Variants in NAXE observed in about 807,000 individuals in gnomAD.
NAXE encodes NAD(P)H-hydrate epimerase.
NAXE carries 25 observed loss-of-function variants against 31.2 expected under a neutral mutation model. The observed-to-expected ratio is 0.80, with a 90% CI of 0.58 to 1.12. NAXE has a LOEUF of 1.12. NAXE is among the 50% of genes most tolerant of loss of function. The probability of loss-of-function intolerance (pLI) is 0.00; values close to 1 mark genes in which losing one functional copy is unlikely to be tolerated. For missense variants in NAXE, 362 were observed against 376.1 expected (o/e 0.96, Z 0.31); for synonymous variants, 144 against 154.5 (o/e 0.93, Z 0.50).
intron 5 of NAXE, 160 bp downstream of exon 5, chr1:156,593,715 G>A: frequency 1.5e-6 from 2 of 1,336,790 alleles, no homozygotes; most frequent in South Asian, 1.4e-5. Flanking sequence ...CCCTTTACAT[G>A]TTGGCCCCAT....
Position 156,591,812 on chromosome 1 carries a change from G to C in NAXE, c.8G>C (p.Arg3Thr). The stretch of plus-strand genomic sequence containing the variant: ...GCGCGCTCTGCGAGCTGGATGTCCA[G>C]GCTGCGGGCGCTGCTGGGCCTCGGG... MS[R>T]LRALLGLGLL... Residue 3 changes from arginine (R) to threonine (T), a missense_variant, in exon 1 of 6, where the codon AGG becomes ACG. Transcript: ENST00000368235. The C allele has an allele frequency of 2.5e-6, 4 of 1,596,500 alleles. No individual in the cohort carries two copies. The highest frequency in any genetic ancestry group is 2.6e-6 in the Non-Finnish European group (3 of 1,175,892).
In NAXE at chr1:156,593,426, C is replaced by A. The variant is rs1199982327; in HGVS notation, c.535C>A (p.Leu179Met). 3 of 1,614,068 alleles carry A rather than the reference C, an allele frequency of 1.9e-6. No homozygotes were observed. Among genetic ancestry groups the A allele is most frequent in the Admixed American group, 3.3e-5 (2 of 60,002 alleles). Residue 179 changes from leucine (L) to methionine (M), a missense_variant, in exon 5 of 6, where the codon CTG becomes ATG. Coordinates refer to ENST00000368235, the MANE Select transcript of NAXE (RefSeq NM_144772.3). Reference protein sequence around the residue: ...MPAEPMTIDELYELVVDAIFG... With the variant: ...MPAEPMTIDEMYELVVDAIFG... The stretch of plus-strand genomic sequence containing the variant: ...ACCACAGCCCATGACGATTGATGAA[C>A]TGTATGAGCTGGTGGTGGATGCCAT...
chr1:156,592,799 A>G lies in NAXE; in HGVS notation c.516+129A>G, dbSNP rs114351209. 3.6e-5 allele frequency: 29 copies of G among 809,336 alleles called. No individual in the cohort carries two copies. Among genetic ancestry groups the G allele is most frequent in the Non-Finnish European group, 4.5e-5 (23 of 506,298 alleles). 50.1% of individuals were successfully genotyped at this position (809,336 alleles called of 1,614,324 possible). On this transcript the variant is annotated intron_variant, in intron 4 of 5. Transcript: ENST00000368235. ...AAGGTGCCTAACGGATGGTATTCGA[A>G]TAAGTGTGCAAGAGCCTTCTCCTCC...
rs767694027 is a variant in NAXE at position 156,591,883 on chromosome 1, A to G, written c.79A>G (p.Ile27Val). The change falls in exon 1 of 6, where the codon ATC becomes GTC. Residue 27 changes from isoleucine (I) to valine (V), a missense_variant. Ile to Val is a conservative substitution (Grantham distance 29). Coordinates refer to ENST00000368235, the MANE Select transcript of NAXE (RefSeq NM_144772.3). ...SRVPRIKSQTIACRSGPTWWG... is the reference protein window; with the variant it reads ...SRVPRIKSQTVACRSGPTWWG... Reference sequence around the variant, plus strand: ...CGTGCCGCGGATCAAAAGCCAGACCATCGCCTGTCGCTCGGGACCCACCTG... The same window carrying G: ...CGTGCCGCGGATCAAAAGCCAGACCGTCGCCTGTCGCTCGGGACCCACCTG... The G allele has an allele frequency of 1.9e-6, 3 of 1,612,446 alleles. No individual in the cohort carries two copies. The highest frequency in any genetic ancestry group is 2.5e-6 in the Non-Finnish European group (3 of 1,179,686).
At position 156,592,438 on chromosome 1, in the gene NAXE, G is replaced by A; in HGVS notation, c.365G>A (p.Gly122Glu). Reference protein sequence around the residue: ...LVICGPGNNGGDGLVCARHLK... With the variant: ...LVICGPGNNGEDGLVCARHLK... ...ATCTGTGGCCCGGGGAATAATGGAG[G>A]AGATGGTCTGGTCTGTGCTCGACAC... The change falls in exon 3 of 6, where the codon GGA (glycine) becomes GAA (glutamate). Residue 122 changes from glycine (G) to glutamate (E), a missense_variant. Physicochemically the swap from Gly to Glu is moderately conservative, Grantham distance 98 (BLOSUM62 -2). Coordinates refer to ENST00000368235, the MANE Select transcript of NAXE (RefSeq NM_144772.3). 1 of 1,614,192 alleles carries A rather than the reference G, an allele frequency of 6.2e-7. No homozygotes were observed. Among genetic ancestry groups the A allele is most frequent in the South Asian group, 1.1e-5 (1 of 91,082 alleles).
In NAXE at chr1:156,592,409, G is replaced by A. The variant is rs1317551622; in HGVS notation, c.336G>A (p.Leu112=). 1 of 1,614,172 alleles carries A rather than the reference G, an allele frequency of 6.2e-7. No homozygotes were observed. The highest frequency in any genetic ancestry group is 8.5e-7 in the Non-Finnish European group (1 of 1,180,036). Residue 112 remains leucine, a synonymous_variant, in exon 3 of 6, where the codon CTG becomes CTA. Transcript: ENST00000368235. ...TSMSRSPPTV[L]VICGPGNNGG... is the part of the protein sequence containing the mutation. ...TGTCCAGGAGCCCCCCTACTGTCCT[G>A]GTCATCTGTGGCCCGGGGAATAATG...
Position 156,592,682 on chromosome 1 carries a change from C to T in NAXE, c.516+12C>T, listed in dbSNP as rs773592384. On this transcript the variant is annotated intron_variant, in intron 4 of 5. Coordinates refer to ENST00000368235, the MANE Select transcript of NAXE (RefSeq NM_144772.3). ...AAATGCCCGCAGAGGTAGGTGGCTC[C>T]AGTTGAATACCTCCATCCTACAGTA... The T allele has an allele frequency of 6.3e-6, 10 of 1,592,734 alleles. No homozygotes were observed. The Admixed American group carries it at 1.2e-4, about 19-fold the overall frequency.
Position 156,591,932 on chromosome 1 carries a change from C to T in NAXE, c.128C>T (p.Ser43Leu), listed in dbSNP as rs765587923. 2.5e-6 allele frequency: 4 copies of T among 1,612,798 alleles called. No individual in the cohort carries two copies. The highest frequency in any genetic ancestry group is 3.3e-5 in the Admixed American group (2 of 59,996). Residue 43 changes from serine to leucine, a missense_variant, in exon 1 of 6, where the codon TCG becomes TTG. Transcript: ENST00000368235. ...PTWWGPQRLN[S>L]GGRWDSEVMA... ...TGGTGGGGACCGCAGCGGCTGAACT[C>T]GGGTGGCCGCTGGGACTCAGAGGTC... is the stretch of plus-strand genomic sequence containing the variant.
At position 156,592,548 on chromosome 1, in the gene NAXE, TC is replaced by T; in HGVS notation, c.403-8del. 1 of 1,613,928 alleles carries T rather than the reference TC, an allele frequency of 6.2e-7. No individual in the cohort carries two copies. The highest frequency in any genetic ancestry group is 8.5e-7 in the Non-Finnish European group (1 of 1,179,844). ...GGGATCTGGGGTTGAATTACCACTT[TC>T]TTCCTAGGGCTACGAGCCAACCATC... is the stretch of plus-strand genomic sequence containing the variant. On this transcript the variant is annotated splice_region_variant and splice_polypyrimidine_tract_variant and intron_variant, in intron 3 of 5. Coordinates refer to ENST00000368235, the MANE Select transcript of NAXE (RefSeq NM_144772.3).
At chr1:156,593,252 C>G in intron 4 of NAXE, 156 bp from the exon 5 acceptor site, 1 of 976,768 alleles carries the variant, frequency 1.0e-6, no homozygotes, top group South Asian at 2.0e-5. Context: ...GAATCAGTGA[C>G]CAACTCACAC....
chr1:156,591,835 G>A lies in NAXE; in HGVS notation c.31G>A (p.Gly11Arg). 2 of 1,608,102 alleles carry A rather than the reference G, an allele frequency of 1.2e-6. No individual in the cohort carries two copies. Among genetic ancestry groups the A allele is most frequent in the Non-Finnish European group, 1.7e-6 (2 of 1,179,038 alleles). MSRLRALLGLGLLVAGSRVPR... is the reference protein window; with the variant it reads MSRLRALLGLRLLVAGSRVPR... ...CAGGCTGCGGGCGCTGCTGGGCCTC[G>A]GGCTGCTGGTTGCGGGCTCGCGCGT... The change falls in exon 1 of 6, where the codon GGG becomes AGG. Residue 11 changes from glycine (G) to arginine (R), a missense_variant. Transcript: ENST00000368235.
chr1:156,592,475 TGTGA>T lies in NAXE; in HGVS notation c.402+3_402+6del, dbSNP rs769761673. 80 of 1,613,582 alleles carry T rather than the reference TGTGA, an allele frequency of 5.0e-5. No individual in the cohort carries two copies. The highest frequency in any genetic ancestry group is 1.3e-4 in the East Asian group (6 of 44,872). Reference sequence around the variant, plus strand: ...TCTGTGCTCGACACCTCAAACTCTTTGTGAGTATGTGGGGAGGGGCTGTGGGGGA... The same window carrying T: ...TCTGTGCTCGACACCTCAAACTCTTTGTATGTGGGGAGGGGCTGTGGGGGA... On this transcript the variant is annotated splice_donor_variant and splice_donor_region_variant and intron_variant, in intron 3 of 5. Coordinates refer to ENST00000368235, the MANE Select transcript of NAXE (RefSeq NM_144772.3). LOFTEE classifies it high-confidence loss of function.
In NAXE at chr1:156,594,063, G is replaced by A. The variant is rs140607541; in HGVS notation, c.846G>A (p.Glu282=). 94 of 1,614,030 alleles carry A rather than the reference G, an allele frequency of 5.8e-5. No individual in the cohort carries two copies. The African/African-American group carries it at 1.1e-3, about 18-fold the overall frequency. ...QLNLPPYPDT[E]CVYRLQ Reference sequence around the variant, plus strand: ...ACCTGCCACCCTACCCTGACACCGAGTGTGTCTATCGTCTGCAGTGAGGGA... The same window carrying A: ...ACCTGCCACCCTACCCTGACACCGAATGTGTCTATCGTCTGCAGTGAGGGA... The change falls in exon 6 of 6, where the codon GAG becomes GAA. Residue 282 remains glutamate (E), a synonymous_variant. Transcript: ENST00000368235.
intron 4 of NAXE, 172 bp downstream of exon 4, chr1:156,592,842 A>C: frequency 1.6e-6 from 1 of 615,182 alleles, no homozygotes; most frequent in South Asian, 2.0e-5. Context: ...AGTGTGCTCC[A>C]TGAGTCCCAC....
At position 156,592,120 on chromosome 1, in the gene NAXE, G is replaced by C. The variant is rs149164071; in HGVS notation, c.202G>C (p.Val68Leu). The change falls in exon 2 of 6, where the codon GTG becomes CTG. Residue 68 changes from valine to leucine, a missense_variant. By Grantham distance (32) the Val-to-Leu change is conservative. Coordinates refer to ENST00000368235, the MANE Select transcript of NAXE (RefSeq NM_144772.3). ...CCTCAGCCAGGAGGAGGCCCAGGCC[G>C]TGGACCAGGAGCTATTTAACGAATA... ...KYLSQEEAQA[V>L]DQELFNEYQF... 1.4e-4 allele frequency: 221 copies of C among 1,614,248 alleles called. No homozygotes were observed. In the African/African-American group the frequency reaches 1.6e-3, roughly 12 times the overall value.
intron 2 of NAXE, 21 bp from the exon 3 acceptor site, chr1:156,592,344 C>T: frequency 6.2e-7 from 1 of 1,612,454 alleles, no homozygotes; most frequent in Non-Finnish European, 8.5e-7. Context: ...CCCGCCGAAC[C>T]ACCCTTGACT....
rs757430980 is a variant in NAXE at position 156,592,427 on chromosome 1, G to C, written c.354G>C (p.Gly118=). The C allele has an allele frequency of 1.4e-5, 23 of 1,614,064 alleles. No homozygotes were observed. The Admixed American group carries it at 3.7e-4, about 26-fold the overall frequency. ...PPTVLVICGP[G]NNGGDGLVCA... Reference sequence around the variant, plus strand: ...CTGTCCTGGTCATCTGTGGCCCGGGGAATAATGGAGGAGATGGTCTGGTCT... The same window carrying C: ...CTGTCCTGGTCATCTGTGGCCCGGGCAATAATGGAGGAGATGGTCTGGTCT... The change falls in exon 3 of 6, where the codon GGG becomes GGC. Residue 118 remains glycine, a synonymous_variant. Transcript: ENST00000368235.
Position 156,592,427 on chromosome 1 carries a change from G to A in NAXE, c.354G>A (p.Gly118=). 6.2e-7 allele frequency: 1 copy of A among 1,614,182 alleles called. No homozygotes were observed. Among genetic ancestry groups the A allele is most frequent in the Non-Finnish European group, 8.5e-7 (1 of 1,180,030 alleles). The change falls in exon 3 of 6, where the codon GGG becomes GGA. Residue 118 remains glycine, a synonymous_variant. Coordinates refer to ENST00000368235, the MANE Select transcript of NAXE (RefSeq NM_144772.3). ...CTGTCCTGGTCATCTGTGGCCCGGG[G>A]AATAATGGAGGAGATGGTCTGGTCT... ...PPTVLVICGP[G]NNGGDGLVCA...
Position 156,591,837 on chromosome 1 carries a change from G to A in NAXE, c.33G>A (p.Gly11=). ...GGCTGCGGGCGCTGCTGGGCCTCGG[G>A]CTGCTGGTTGCGGGCTCGCGCGTGC... MSRLRALLGL[G]LLVAGSRVPR... Residue 11 remains glycine (G), a synonymous_variant, in exon 1 of 6, where the codon GGG becomes GGA. Transcript: ENST00000368235. 1 of 1,608,740 alleles carries A rather than the reference G, an allele frequency of 6.2e-7. No homozygotes were observed.
Sources: allele counts gnomAD v4.1 joint callset, GRCh38; gene constraint gnomAD v4.1.1; transcripts MANE v1.5; gene names NCBI Gene and HGNC (gene_info 2026-07-23, HGNC 2026-07-21).